Variants in C4orf54 observed in about 807,000 individuals in gnomAD.
C4orf54 encodes the protein uncharacterized protein C4orf54.
C4orf54 carries 67 observed loss-of-function variants against 80.1 expected under a neutral mutation model. The ratio of observed to expected loss-of-function variants is 0.84; its 90% CI spans 0.69 to 1.03. The LOEUF is 1.03. Among genes scored for constraint, C4orf54 ranks in the 50% least tolerant of loss-of-function variants. C4orf54 has a pLI of 0.00. For missense variants in C4orf54, 2,434 were observed against 2,253.5 expected, an observed-to-expected ratio of 1.08 and a Z score of -1.62; for synonymous variants, 1,000 against 917.0, an observed-to-expected ratio of 1.09 and a Z score of -1.64.
chr4:99,650,420 C>A lies in C4orf54; in HGVS notation c.4229G>T (p.Gly1410Val). Residue 1410 changes from glycine (G) to valine (V), a missense_variant, in exon 2 of 3, where the codon GGT becomes GTT. Physicochemically the swap from Gly to Val is moderately radical, Grantham distance 109. Coordinates refer to ENST00000511828, the MANE Select transcript of C4orf54 (RefSeq NM_001354435.2). ...CCCTTGTGGGAACTTGCCAGCGACA[C>A]CCCCAGTTTTCTGGATGCTGCTGGC... ...VSASSIQKTG[G>V]VAGKFPQGPS... 6.5e-7 allele frequency: 1 copy of A among 1,536,080 alleles called. No homozygotes were observed. The highest frequency in any genetic ancestry group is 8.7e-7 in the Non-Finnish European group (1 of 1,146,884).
At chr4:99,654,925 T>A (rs184568343) in intron 1 of C4orf54, among the ~76,000 whole-genome samples, 2 of 152,348 alleles carry the variant, frequency 1.3e-5, no homozygotes, top group East Asian at 3.9e-4. Flanking sequence ...ACTCTCAAGT[T>A]TTTGATTAAA....
rs2110247090 is a variant in C4orf54 at position 99,641,036 on chromosome 4, G to A, written c.*197C>T. On this transcript the variant is annotated 3_prime_UTR_variant, in exon 3 of 3. Coordinates refer to ENST00000511828, the MANE Select transcript of C4orf54 (RefSeq NM_001354435.2). ...AATTAAAATAAAAACTGCCTTAAGA[G>A]GATTGTTCAGAAAAATATAGAAACT... 6.6e-6 allele frequency: 1 copy of A among 152,200 alleles called. No individual in the cohort carries two copies. The highest frequency in any genetic ancestry group is 1.9e-4 in the East Asian group (1 of 5,194). 9.4% of individuals were successfully genotyped at this position (152,200 alleles called of 1,614,324 possible).
At chr4:99,654,725 G>A in intron 1 of C4orf54, 46 bp from the exon 2 acceptor site, 1 of 627,696 alleles carries the variant, frequency 1.6e-6, no homozygotes, top group Non-Finnish European at 2.9e-6. Context: ...AATATTTTTA[G>A]TGTCCATTCC....
chr4:99,653,987 C>A lies in C4orf54; in HGVS notation c.662G>T (p.Gly221Val), dbSNP rs772389951. 16 of 1,536,026 alleles carry A rather than the reference C, an allele frequency of 1.0e-5. No homozygotes were observed. In the South Asian group the frequency reaches 1.2e-4, roughly 11 times the overall value. Residue 221 changes from glycine (G) to valine (V), a missense_variant, in exon 2 of 3, where the codon GGT becomes GTT. Transcript: ENST00000511828. The part of the protein sequence containing the change: ...MKLTLGHCPG[G>V]QRASRSPKEK... ...CTTTGGGCTCCTAGAGGCCCTCTGACCCCCAGGGCAGTGCCCCAGGGTAAG... is the reference window on the plus strand; with the variant it reads ...CTTTGGGCTCCTAGAGGCCCTCTGAACCCCAGGGCAGTGCCCCAGGGTAAG...
In C4orf54 at chr4:99,653,977, G is replaced by A. The variant is rs1326929873; in HGVS notation, c.672C>T (p.Ala224=). 5 of 1,536,084 alleles carry A rather than the reference G, an allele frequency of 3.3e-6. No individual in the cohort carries two copies. In the Admixed American group the frequency reaches 5.9e-5, roughly 18 times the overall value. ...GGGCTTTCTCCTTTGGGCTCCTAGA[G>A]GCCCTCTGACCCCCAGGGCAGTGCC... ...TLGHCPGGQR[A]SRSPKEKAQD... is the part of the protein sequence containing the mutation. The change falls in exon 2 of 3, where the codon GCC becomes GCT. Residue 224 remains alanine (A), a synonymous_variant. Coordinates refer to ENST00000511828, the MANE Select transcript of C4orf54 (RefSeq NM_001354435.2).
intron 2 of C4orf54, among the ~76,000 whole-genome samples, chr4:99,644,727 T>C (rs1726670016): frequency 6.9e-6 from 1 of 145,704 alleles, no homozygotes; most frequent in Non-Finnish European, 1.5e-5. Context: ...CCCTTTAAGC[T>C]GTCTAATCTA....
At position 99,638,784 on chromosome 4, in the gene C4orf54, G is replaced by A. The variant is rs1290943454; in HGVS notation, c.*2449C>T. The stretch of plus-strand genomic sequence containing the variant: ...TTTTTTCCCTATCACTGGAGGTAGT[G>A]AATGGCCTAGCAGCTTTGTATGATT... On this transcript the variant is annotated 3_prime_UTR_variant, in exon 3 of 3. Coordinates refer to ENST00000511828, the MANE Select transcript of C4orf54 (RefSeq NM_001354435.2). 1 of 152,102 alleles carries A rather than the reference G, an allele frequency of 6.6e-6. No homozygotes were observed. Among genetic ancestry groups the A allele is most frequent in the African/African-American group, 2.4e-5 (1 of 41,436 alleles). 9.4% of individuals were successfully genotyped at this position (152,102 alleles called of 1,614,324 possible).
Position 99,653,454 on chromosome 4 carries a change from CGTT to C in C4orf54, c.1192_1194del (p.Asn398del). 1 of 1,536,146 alleles carries C rather than the reference CGTT, an allele frequency of 6.5e-7. No individual in the cohort carries two copies. The highest frequency in any genetic ancestry group is 2.4e-5 in the East Asian group (1 of 40,916). ...GCATAATCCACGAACGAGTAGATCA[CGTT>C]GTTGTCCTCGAAATCCCAGCGGGAG... is the stretch of plus-strand genomic sequence containing the variant. On this transcript the variant is annotated inframe_deletion, in exon 2 of 3. Transcript: ENST00000511828.
At position 99,654,325 on chromosome 4, in the gene C4orf54, G is replaced by A. The variant is rs748502851; in HGVS notation, c.324C>T (p.Thr108=). ...GGGGCTGCAGAGTTGCCCGAAGCAG[G>A]GTCCCACGTATCTGGACTGGCCCCA... The part of the protein sequence containing the change: ...TALGPVQIRG[T]LLRATLQPLR... Residue 108 remains threonine (T), a synonymous_variant, in exon 2 of 3, where the codon ACC becomes ACT. Transcript: ENST00000511828. 4.2e-5 allele frequency: 61 copies of A among 1,463,552 alleles called. No individual in the cohort carries two copies. The highest frequency in any genetic ancestry group is 2.0e-4 in the Admixed American group (10 of 50,878). 90.7% of individuals were successfully genotyped at this position (1,463,552 alleles called of 1,614,324 possible).
Position 99,653,006 on chromosome 4 carries a change from T to C in C4orf54, c.1643A>G (p.His548Arg), listed in dbSNP as rs1726883974. 5 of 1,536,080 alleles carry C rather than the reference T, an allele frequency of 3.3e-6. No individual in the cohort carries two copies. Among genetic ancestry groups the C allele is most frequent in the Non-Finnish European group, 4.4e-6 (5 of 1,146,914 alleles). ...GACGCGGAGGCTCATGTCGCCTTCA[T>C]GCTTGGCAGCATAAATAATGTTTTG... is the stretch of plus-strand genomic sequence containing the variant. ...AKQNIIYAAK[H>R]EGDMSLRVST... Residue 548 changes from histidine (H) to arginine (R), a missense_variant, in exon 2 of 3, where the codon CAT becomes CGT. His to Arg is a conservative substitution (Grantham distance 29). Coordinates refer to ENST00000511828, the MANE Select transcript of C4orf54 (RefSeq NM_001354435.2).
In C4orf54 at chr4:99,649,784, T is replaced by G; in HGVS notation, c.4865A>C (p.Tyr1622Ser). The part of the protein sequence containing the change: ...MLLDVTTGQY[Y>S]LVDTPVQPMT... ...GGGCTGTACTGGTGTGTCCACCAGA[T>G]AGTACTGGCCTGTTGTCACATCCAG... is the stretch of plus-strand genomic sequence containing the variant. The change falls in exon 2 of 3, where the codon TAT becomes TCT. Residue 1622 changes from tyrosine (Y) to serine (S), a missense_variant. Tyr to Ser is a moderately radical substitution (Grantham distance 144). Transcript: ENST00000511828. 6.5e-7 allele frequency: 1 copy of G among 1,536,160 alleles called. No individual in the cohort carries two copies. Among genetic ancestry groups the G allele is most frequent in the Non-Finnish European group, 8.7e-7 (1 of 1,146,908 alleles).
chr4:99,648,556 T>G (rs867396487), intron 2 of C4orf54, among the ~76,000 whole-genome samples: 5 of 125,596 alleles, frequency 4.0e-5, no homozygotes, highest in Admixed American at 8.4e-5. Context: ...GAGAACAAAG[T>G]GTGTGTGTGT....
chr4:99,649,025 C>A (rs1216496701), intron 2 of C4orf54, among the ~76,000 whole-genome samples: 1 of 152,182 alleles, frequency 6.6e-6, no homozygotes, highest in Non-Finnish European at 1.5e-5. Context: ...AGGGCAAAGG[C>A]CGACCTTGGG....
In C4orf54 at chr4:99,651,977, G is replaced by A; in HGVS notation, c.2672C>T (p.Ala891Val). The A allele has an allele frequency of 6.5e-7, 1 of 1,536,124 alleles. No homozygotes were observed. Among genetic ancestry groups the A allele is most frequent in the Non-Finnish European group, 8.7e-7 (1 of 1,146,910 alleles). The change falls in exon 2 of 3, where the codon GCG becomes GTG. Residue 891 changes from alanine (A) to valine (V), a missense_variant. Ala to Val is a moderately conservative substitution (Grantham distance 64). Transcript: ENST00000511828. ...MSDAGGEGSV[A>V]GSKSPVFKAS... is the part of the protein sequence containing the mutation. ...TTTGAAGACTGGAGATTTGGAGCCC[G>A]CCACGGACCCCTCCCCGCCCGCGTC...
rs1189102182 is a variant in C4orf54 at position 99,649,475 on chromosome 4, G to T, written c.5174C>A (p.Ala1725Asp). 2 of 1,536,168 alleles carry T rather than the reference G, an allele frequency of 1.3e-6. No individual in the cohort carries two copies. The highest frequency in any genetic ancestry group is 1.2e-5 in the South Asian group (1 of 84,062). Residue 1725 changes from alanine to aspartate, a missense_variant, in exon 2 of 3, where the codon GCC becomes GAC. Coordinates refer to ENST00000511828, the MANE Select transcript of C4orf54 (RefSeq NM_001354435.2). ...CTGACCAGAAGCCATGAAGTATGGG[G>T]CCTCGGTGAACGTTGCAGCTGCCTC... Reference protein sequence around the residue: ...SKEAAATFTEAPYFMASGQSP... With the variant: ...SKEAAATFTEDPYFMASGQSP...
In C4orf54 at chr4:99,651,992, C is replaced by A; in HGVS notation, c.2657G>T (p.Gly886Val). ...TTTGGAGCCCGCCACGGACCCCTCC[C>A]CGCCCGCGTCGGACATGCTGACCAC... is the stretch of plus-strand genomic sequence containing the variant. Reference protein sequence around the residue: ...YTVVSMSDAGGEGSVAGSKSP... With the variant: ...YTVVSMSDAGVEGSVAGSKSP... Residue 886 changes from glycine to valine, a missense_variant, in exon 2 of 3, where the codon GGG becomes GTG. Coordinates refer to ENST00000511828, the MANE Select transcript of C4orf54 (RefSeq NM_001354435.2). 1 of 1,536,144 alleles carries A rather than the reference C, an allele frequency of 6.5e-7. No individual in the cohort carries two copies. Among genetic ancestry groups the A allele is most frequent in the Non-Finnish European group, 8.7e-7 (1 of 1,146,912 alleles).
rs777119020 is a variant in C4orf54, at chr4:99,653,287, G to A, written c.1362C>T (p.Arg454=). 6 of 1,531,016 alleles carry A rather than the reference G, an allele frequency of 3.9e-6. No individual in the cohort carries two copies. The highest frequency in any genetic ancestry group is 4.4e-6 in the Non-Finnish European group (5 of 1,143,590). The allele number at this position is 1,531,016 out of a possible 1,614,324, so 94.8% of individuals were successfully genotyped here. A position where few individuals can be genotyped will look rare whatever the true frequency, so the allele number is the denominator to read the frequency against. ...CGCGGCCACTGCGGCCTGCATTGGG[G>A]CGGGCCAGGTCGCTGCTTGTAGGGC... ...TPSPTSSDLA[R]PNAGRSGRDT... is the part of the protein sequence containing the mutation. Residue 454 remains arginine (R), a synonymous_variant, in exon 2 of 3, where the codon CGC becomes CGT. Transcript: ENST00000511828.
At position 99,653,986 on chromosome 4, in the gene C4orf54, A is replaced by G. The variant is rs1229570979; in HGVS notation, c.663T>C (p.Gly221=). 1 of 1,535,714 alleles carries G rather than the reference A, an allele frequency of 6.5e-7. No individual in the cohort carries two copies. The highest frequency in any genetic ancestry group is 8.7e-7 in the Non-Finnish European group (1 of 1,146,804). ...CCTTTGGGCTCCTAGAGGCCCTCTG[A>G]CCCCCAGGGCAGTGCCCCAGGGTAA... ...MKLTLGHCPG[G]QRASRSPKEK... Residue 221 remains glycine (G), a synonymous_variant, in exon 2 of 3, where the codon GGT becomes GGC. Transcript: ENST00000511828.
At chr4:99,644,284 T>G (rs1244063396) in intron 2 of C4orf54, among the ~76,000 whole-genome samples, 15 of 152,198 alleles carry the variant, frequency 9.9e-5, no homozygotes, top group Non-Finnish European at 2.9e-5. Context: ...CATACTAGCT[T>G]TTACTTTTAA....
Sources: gnomAD v4.1 joint callset for allele counts (sites outside exome capture counted in the v4.1 genomes callset) on GRCh38, gnomAD v4.1.1 for gene constraint, MANE v1.5 for transcripts, NCBI Gene and HGNC (gene_info 2026-07-23, HGNC 2026-07-21) for gene names.